Variants in PCNT observed in about 807,000 individuals in gnomAD.
The protein encoded by PCNT is kendrin.
PCNT carries 319 observed loss-of-function variants against 380.4 expected under a neutral mutation model. The observed-to-expected ratio is 0.84, with a 90% CI of 0.77 to 0.92. The LOEUF (loss-of-function observed/expected upper bound fraction) is 0.92. Ranked by LOEUF, PCNT falls within the 40% of genes least tolerant of loss-of-function variation. The pLI is 0.00. For missense variants in PCNT, 4,400 were observed against 4,255.3 expected, an observed-to-expected ratio of 1.03 and a Z score of -0.95; for synonymous variants, 1,845 against 1,735.2, an observed-to-expected ratio of 1.06 and a Z score of -1.57.
At chr21:46,408,037 T>G (rs1205277204) in intron 27 of PCNT, among the ~76,000 whole-genome samples, 1 of 152,090 alleles carries the variant, frequency 6.6e-6, no homozygotes, top group East Asian at 1.9e-4. Flanking sequence ...GTAAAATTAG[T>G]TTTTTTTAGT....
intron 27 of PCNT, 50 bp downstream of exon 27, chr21:46,402,533 G>A (rs762207634): frequency 5.0e-6 from 8 of 1,598,680 alleles, no homozygotes; most frequent in African/African-American, 1.3e-5. Context: ...TGCTTATGCC[G>A]GTGCCGAGCG....
chr21:46,349,640 G>T, intron 7 of PCNT, 44 bp from the exon 8 acceptor site: 1 of 1,601,960 alleles, frequency 6.2e-7, no homozygotes. Flanking sequence ...CTGTTGAGGA[G>T]AGTGATGTCT....
At position 46,428,413 on chromosome 21, in the gene PCNT, TC is replaced by T; in HGVS notation, c.7516del (p.Leu2506TrpfsTer25). ...IREQGDLQEK[S>X]LEHLRLPDRS... is the part of the protein sequence containing the mutation. ...CCCCCAGGGAGACCTGCAGGAAAAGTCCCTGGAGCATCTTCGCTTGCCGGAC... is the reference window on the plus strand; with the variant it reads ...CCCCCAGGGAGACCTGCAGGAAAAGTCCTGGAGCATCTTCGCTTGCCGGAC... On this transcript the variant is annotated frameshift_variant, in exon 35 of 47. Transcript: ENST00000359568. LOFTEE classifies it high-confidence loss of function. 6.2e-7 allele frequency: 1 copy of T among 1,612,468 alleles called. No individual in the cohort carries two copies. Among genetic ancestry groups the T allele is most frequent in the Non-Finnish European group, 8.5e-7 (1 of 1,179,864 alleles).
intron 21 of PCNT, among the ~76,000 whole-genome samples, chr21:46,392,408 A>T (rs2086063684): frequency 6.6e-6 from 1 of 151,984 alleles, no homozygotes; most frequent in Middle Eastern, 3.2e-3. Context: ...TTTGGTAGAG[A>T]TGGGGTTTCA....
At chr21:46,417,611 A>G (rs2087084001) in intron 30 of PCNT, among the ~76,000 whole-genome samples, 1 of 152,224 alleles carries the variant, frequency 6.6e-6, no homozygotes, top group Non-Finnish European at 1.5e-5. Flanking sequence ...GTAAGATAAA[A>G]TTAAAAATCA....
chr21:46,433,779 A>G (rs930708479), intron 38 of PCNT, among the ~76,000 whole-genome samples: 2 of 150,094 alleles, frequency 1.3e-5, no homozygotes, highest in Non-Finnish European at 3.0e-5. Context: ...TTATTTATTA[A>G]TTTTTTTTTT....
chr21:46,391,789 A>G (rs1490857630), intron 21 of PCNT, among the ~76,000 whole-genome samples: 1 of 152,264 alleles, frequency 6.6e-6, no homozygotes, highest in East Asian at 1.9e-4. Context: ...GTATCTTTTC[A>G]GATTTTTAGA....
chr21:46,398,820 CTTTTTTTTTT>C lies in PCNT; in HGVS notation c.4584+573_4584+582del, dbSNP rs11331073. 5.2e-5 allele frequency among the ~76,000 whole-genome samples: 6 copies of C among 114,564 alleles called. No individual in the cohort carries two copies. The Admixed American group carries it at 5.8e-4, about 11-fold the overall frequency. The allele number at this position is 114,564 out of a possible 152,430, so 75.2% of individuals were successfully genotyped here. A position where few individuals can be genotyped will look rare whatever the true frequency, so the allele number is the denominator to read the frequency against. The stretch of plus-strand genomic sequence containing the variant: ...TATTCCATTCTTTTTTTTTCTTTTT[CTTTTTTTTTT>C]TTTTTTTGAGTTGGAGTCTCATGCA... On this transcript the variant is annotated intron_variant, in intron 24 of 46. Coordinates refer to ENST00000359568, the MANE Select transcript of PCNT (RefSeq NM_006031.6).
intron 15 of PCNT, among the ~76,000 whole-genome samples, chr21:46,370,405 G>A (rs928442007): frequency 2.6e-5 from 4 of 151,944 alleles, no homozygotes; most frequent in African/African-American, 9.7e-5. Context: ...CGGGGGTCGG[G>A]GAGGCTGGGG....
chr21:46,367,035 C>T lies in PCNT; in HGVS notation c.3061C>T (p.Arg1021Trp), dbSNP rs138361417. The change falls in exon 15 of 47, where the codon CGG becomes TGG. Residue 1021 changes from arginine to tryptophan, a missense_variant. Arg to Trp is a moderately radical substitution (Grantham distance 101). Transcript: ENST00000359568. ...GACTCAAGAGTTGGAGAAACTGAAG[C>T]GGAAACACGAAGGGGAGCTACAGTC... ...ILTQELEKLK[R>W]KHEGELQSVR... is the part of the protein sequence containing the mutation. The T allele has an allele frequency of 5.6e-5, 91 of 1,614,004 alleles. No individual in the cohort carries two copies. The highest frequency in any genetic ancestry group is 7.2e-5 in the Non-Finnish European group (85 of 1,180,026).
chr21:46,445,390 T>C lies in PCNT; in HGVS notation c.*63T>C. 7.4e-7 allele frequency: 1 copy of C among 1,350,438 alleles called. No homozygotes were observed. The highest frequency in any genetic ancestry group is 1.8e-4 in the Middle Eastern group (1 of 5,570). 83.7% of individuals were successfully genotyped at this position (1,350,438 alleles called of 1,614,324 possible). On this transcript the variant is annotated 3_prime_UTR_variant, in exon 47 of 47. Coordinates refer to ENST00000359568, the MANE Select transcript of PCNT (RefSeq NM_006031.6). ...TGAGGAAAAGATTTGTTTTTCCCTT[T>C]TCCCAAGGAAGCTCGTGGGACAGCA...
chr21:46,427,787 C>T lies in PCNT; in HGVS notation c.7486C>T (p.Arg2496Cys), dbSNP rs772837913. The T allele has an allele frequency of 9.9e-6, 16 of 1,613,266 alleles. No homozygotes were observed. The highest frequency in any genetic ancestry group is 2.2e-5 in the East Asian group (1 of 44,886). The part of the protein sequence containing the change: ...SLLERLEKII[R>C]EQGDLQEKSL... ...GCTCGAAAGGCTGGAGAAGATCATC[C>T]GTGAGCAGGTGAGTGTCAGCTCTGC... Residue 2496 changes from arginine to cysteine, a missense_variant, in exon 34 of 47, where the codon CGT becomes TGT. Arg to Cys is a radical substitution (Grantham distance 180). Transcript: ENST00000359568.
chr21:46,338,997 G>A (rs534978293), intron 3 of PCNT, among the ~76,000 whole-genome samples: 2 of 152,070 alleles, frequency 1.3e-5, no homozygotes, highest in South Asian at 4.2e-4. Context: ...GGCCAGGCTG[G>A]TCTCGAACTC....
chr21:46,381,836 A>T lies in PCNT; in HGVS notation c.3308A>T (p.Gln1103Leu). Residue 1103 changes from glutamine (Q) to leucine (L), a missense_variant, in exon 16 of 47, where the codon CAG (glutamine) becomes CTG (leucine). Gln to Leu is a moderately radical substitution (Grantham distance 113, BLOSUM62 -2). Coordinates refer to ENST00000359568, the MANE Select transcript of PCNT (RefSeq NM_006031.6). ...LQLQKKNHQVQQLKDQVLSLS... is the reference protein window; with the variant it reads ...LQLQKKNHQVLQLKDQVLSLS... Reference sequence around the variant, plus strand: ...CTTCAAAAGAAGAATCACCAAGTCCAGCAGGTGTGTGGAATACGCTGTTCC... The same window carrying T: ...CTTCAAAAGAAGAATCACCAAGTCCTGCAGGTGTGTGGAATACGCTGTTCC... 7 of 1,614,214 alleles carry T rather than the reference A, an allele frequency of 4.3e-6. No individual in the cohort carries two copies. The highest frequency in any genetic ancestry group is 5.1e-6 in the Non-Finnish European group (6 of 1,180,012).
chr21:46,388,093 C>G lies in PCNT; in HGVS notation c.3465-649C>G, dbSNP rs1326247687. Among the ~76,000 whole-genome samples, 3 of 152,072 alleles carry G rather than the reference C, an allele frequency of 2.0e-5. No individual in the cohort carries two copies. The highest frequency in any genetic ancestry group is 2.9e-5 in the Non-Finnish European group (2 of 68,004). On this transcript the variant is annotated intron_variant, in intron 17 of 46. Transcript: ENST00000359568. This position sits in a 1 kb window ranked among gnomAD's most constrained non-coding sequence, Gnocchi z 4.2. The stretch of plus-strand genomic sequence containing the variant: ...GGCGTGGTGACAGACGCCTGTAGTC[C>G]CAGCTACTCGGGAGGCTGAGGCAGG...
Position 46,349,068 on chromosome 21 carries a change from AG to A in PCNT, c.1090del (p.Glu364AsnfsTer68), listed in dbSNP as rs2084176814. 1 of 1,608,180 alleles carries A rather than the reference AG, an allele frequency of 6.2e-7. No individual in the cohort carries two copies. The highest frequency in any genetic ancestry group is 1.7e-5 in the Admixed American group (1 of 60,024). On this transcript the variant is annotated frameshift_variant, in exon 7 of 47. Coordinates refer to ENST00000359568, the MANE Select transcript of PCNT (RefSeq NM_006031.6). LOFTEE classifies it high-confidence loss of function. ...ATTTATGTTTAGAAAATCTACGCAA[AG>A]AACTGTCTGCAAAGCATCAATCAGA... ...KDLCLENLRK[E>X]LSAKHQSEME... is the part of the protein sequence containing the mutation.
At chr21:46,354,566 T>C (rs1005570459) in intron 11 of PCNT, among the ~76,000 whole-genome samples, 1 of 152,196 alleles carries the variant, frequency 6.6e-6, no homozygotes, top group Non-Finnish European at 1.5e-5. Flanking sequence ...GCAGTATGTG[T>C]GGCTGTGGAG....
rs1286221726 is a variant in PCNT, at chr21:46,354,077, CCG to C, written c.1761+15_1761+16del. 1 of 1,612,314 alleles carries C rather than the reference CCG, an allele frequency of 6.2e-7. No individual in the cohort carries two copies. Among genetic ancestry groups the C allele is most frequent in the Admixed American group, 1.7e-5 (1 of 59,994 alleles). On this transcript the variant is annotated intron_variant, in intron 11 of 46. Transcript: ENST00000359568. ...AGCCTGAGCGACATAAGGTAATTGG[CCG>C]CGCGCTGAGAAGTGGGGGAGTCCTG...
chr21:46,404,067 AG>A, intron 27 of PCNT, among the ~76,000 whole-genome samples: 8 of 129,924 alleles, frequency 6.2e-5, no homozygotes, highest in Non-Finnish European at 7.9e-5. Flanking sequence ...GAATGAACAC[AG>A]CGTGGGAGAA....
Sources: gnomAD v4.1 joint callset for allele counts (sites outside exome capture counted in the v4.1 genomes callset) on GRCh38, gnomAD v4.1.1 for gene constraint, Gnocchi (gnomAD v3.1) non-coding constraint, MANE v1.5 for transcripts, NCBI Gene and HGNC (gene_info 2026-07-23, HGNC 2026-07-21) for gene names.